ATP8A2: variants seen among roughly 807,000 people sequenced by gnomAD.
The protein encoded by ATP8A2 is phospholipid-transporting ATPase IB.
In ATP8A2, 100 loss-of-function variants were observed where a neutral mutation model predicts 165.6. The observed-to-expected ratio is 0.60, with a 90% CI of 0.51 to 0.71. The LOEUF is 0.71. Ranked by LOEUF, ATP8A2 falls within the 30% of genes least tolerant of loss-of-function variation. ATP8A2 has a pLI of 0.00. For missense variants in ATP8A2, 1,227 were observed against 1,479.5 expected, an observed-to-expected ratio of 0.83 and a Z score of 2.80; for synonymous variants, 543 against 548.8, an observed-to-expected ratio of 0.99 and a Z score of 0.15.
intron 1 of ATP8A2, among the ~76,000 whole-genome samples, chr13:25,411,534 T>C (rs1480748693): frequency 6.6e-6 from 1 of 152,162 alleles, no homozygotes; most frequent in Non-Finnish European, 1.5e-5. Context: ...TATATTGTTG[T>C]TAGGAGACTG....
At chr13:25,766,892 A>G (rs2044502258) in intron 25 of ATP8A2, among the ~76,000 whole-genome samples, 1 of 152,176 alleles carries the variant, frequency 6.6e-6, no homozygotes, top group Non-Finnish European at 1.5e-5. Flanking sequence ...TATACTTGCT[A>G]GTCAACACAG....
In ATP8A2 at chr13:25,854,905, A is replaced by C. The variant is rs1168275189; in HGVS notation, c.2957-5290A>C. Among the ~76,000 whole-genome samples the C allele has an allele frequency of 2.6e-5, 4 of 152,288 alleles. No homozygotes were observed. In the East Asian group the frequency reaches 7.7e-4, roughly 29 times the overall value. On this transcript the variant is annotated intron_variant, in intron 30 of 36. Transcript: ENST00000381655. ...CACAGAGTTGTACAGCCATCATCAC[A>C]ATACATTATAGAACATTTTTATCAC...
At chr13:25,685,749 G>A (rs2042587782) in intron 24 of ATP8A2, among the ~76,000 whole-genome samples, 1 of 152,128 alleles carries the variant, frequency 6.6e-6, no homozygotes, top group Non-Finnish European at 1.5e-5. Flanking sequence ...GGCCTCGCTG[G>A]CCATCAGAAG....
At chr13:25,412,739 G>T (rs2034005818) in intron 1 of ATP8A2, among the ~76,000 whole-genome samples, 1 of 152,172 alleles carries the variant, frequency 6.6e-6, no homozygotes, top group Non-Finnish European at 1.5e-5. Context: ...AAGCCAACTG[G>T]TCACCCACCA....
intron 1 of ATP8A2, among the ~76,000 whole-genome samples, chr13:25,452,647 G>A (rs960048660): frequency 3.3e-5 from 5 of 152,052 alleles, no homozygotes; most frequent in African/African-American, 1.2e-4. Flanking sequence ...TTTCTGGGAC[G>A]ATCTCAAATA....
At chr13:25,685,095 C>T (rs1175464640) in intron 24 of ATP8A2, among the ~76,000 whole-genome samples, 2 of 152,152 alleles carry the variant, frequency 1.3e-5, no homozygotes, top group African/African-American at 2.4e-5. Context: ...CCCTCCTATC[C>T]TGTCGCCCTC....
chr13:25,500,295 A>C (rs1050699905), intron 2 of ATP8A2, among the ~76,000 whole-genome samples: 1 of 152,208 alleles, frequency 6.6e-6, no homozygotes, highest in Non-Finnish European at 1.5e-5. Flanking sequence ...AGGGAACTCA[A>C]TTATGTTATT....
intron 1 of ATP8A2, among the ~76,000 whole-genome samples, chr13:25,375,460 G>C (rs1420033852): frequency 6.6e-6 from 1 of 152,204 alleles, no homozygotes; most frequent in Non-Finnish European, 1.5e-5. Context: ...TTCTATGGAC[G>C]ACAGCATCAG....
intron 24 of ATP8A2, among the ~76,000 whole-genome samples, chr13:25,639,493 A>G (rs2041457710): frequency 1.3e-5 from 2 of 152,186 alleles, no homozygotes; most frequent in Admixed American, 1.3e-4. Context: ...ATGAAGATCG[A>G]AAGAGACAAA....
chr13:25,904,959 G>GT (rs1038649644), intron 33 of ATP8A2, among the ~76,000 whole-genome samples: 6 of 152,222 alleles, frequency 3.9e-5, no homozygotes, highest in African/African-American at 7.2e-5. Flanking sequence ...TCTTTATCAA[G>GT]TTTTTCCGAG....
intron 2 of ATP8A2, among the ~76,000 whole-genome samples, chr13:25,513,231 A>C (rs1414356663): frequency 1.4e-5 from 2 of 146,110 alleles, no homozygotes; most frequent in African/African-American, 5.2e-5. Flanking sequence ...GGGTCTCCTC[A>C]CTTCTCAGAC....
At chr13:25,972,808 A>G (rs1223617589) in intron 35 of ATP8A2, among the ~76,000 whole-genome samples, 1 of 152,178 alleles carries the variant, frequency 6.6e-6, no homozygotes, top group Non-Finnish European at 1.5e-5. Flanking sequence ...GTGGCCACTC[A>G]CTTTTACAGA....
chr13:25,730,898 A>C (rs2043606954), intron 25 of ATP8A2, among the ~76,000 whole-genome samples: 1 of 152,074 alleles, frequency 6.6e-6, no homozygotes, highest in South Asian at 2.1e-4. Flanking sequence ...AAACAAAGTG[A>C]GACCTGTCTC....
At chr13:25,434,167 C>T (rs7329622) in intron 1 of ATP8A2, among the ~76,000 whole-genome samples, 62,698 of 151,878 alleles carry the variant, frequency 0.41, 14,037 homozygotes, top group East Asian at 0.59. Flanking sequence ...TGGTCATCCC[C>T]TCTGTGGTGC....
At chr13:25,604,601 T>C (rs2040469652) in intron 24 of ATP8A2, among the ~76,000 whole-genome samples, 1 of 152,226 alleles carries the variant, frequency 6.6e-6, no homozygotes. Context: ...ATTTCCTCTG[T>C]TTAATTGAAA....
chr13:25,517,376 G>A (rs2037513471), intron 2 of ATP8A2, among the ~76,000 whole-genome samples: 1 of 152,178 alleles, frequency 6.6e-6, no homozygotes, highest in Non-Finnish European at 1.5e-5. Context: ...CTTCCTGGCA[G>A]CATGCTCAGT....
chr13:25,944,285 T>A (rs1955149484), intron 33 of ATP8A2, among the ~76,000 whole-genome samples: 2 of 152,208 alleles, frequency 1.3e-5, no homozygotes, highest in African/African-American at 4.8e-5. Flanking sequence ...GGTGGGCGGA[T>A]CACCTGAGGT....
chr13:25,919,827 G>A (rs755417990), intron 33 of ATP8A2, among the ~76,000 whole-genome samples: 1 of 152,056 alleles, frequency 6.6e-6, no homozygotes, highest in East Asian at 1.9e-4. Flanking sequence ...GTGCGGTGGT[G>A]CTGTCATAGC....
chr13:25,467,580 T>C (rs1238797801), intron 1 of ATP8A2, among the ~76,000 whole-genome samples: 4 of 146,974 alleles, frequency 2.7e-5, no homozygotes, highest in Non-Finnish European at 6.0e-5. Context: ...TTGAGACGAG[T>C]CTCCTTGTCG....
Sources: gnomAD v4.1 joint callset for allele counts (sites outside exome capture counted in the v4.1 genomes callset) on GRCh38, gnomAD v4.1.1 for gene constraint, MANE v1.5 for transcripts, NCBI Gene and HGNC (gene_info 2026-07-23, HGNC 2026-07-21) for gene names.